Variants in PCDH15 observed in about 807,000 individuals in gnomAD.
PCDH15 encodes the protein protocadherin related 15.
In PCDH15, 129 loss-of-function variants were observed where a neutral mutation model predicts 178.5. The ratio of observed to expected loss-of-function variants is 0.72; its 90% CI spans 0.63 to 0.84. The LOEUF (loss-of-function observed/expected upper bound fraction) is 0.84. Among genes scored for constraint, PCDH15 ranks in the 40% least tolerant of loss-of-function variants. The pLI is 0.00. For missense variants in PCDH15, 2,230 were observed against 2,099.9 expected (o/e 1.06, Z -1.21); for synonymous variants, 800 against 732.0 (o/e 1.09, Z -1.50).
intron 1 of PCDH15, among the ~76,000 whole-genome samples, chr10:54,786,259 T>G (rs965792218): frequency 6.6e-6 from 1 of 151,980 alleles, no homozygotes. Context: ...AGTTAAAGTC[T>G]CGAATGTAGC....
chr10:54,077,446 G>A (rs1478091612), intron 17 of PCDH15, among the ~76,000 whole-genome samples: 2 of 152,040 alleles, frequency 1.3e-5, no homozygotes, highest in Non-Finnish European at 2.9e-5. Flanking sequence ...GAAACTTTAA[G>A]GACAGACTTA....
At chr10:53,849,494 G>T (rs762223058) in intron 28 of PCDH15, among the ~76,000 whole-genome samples, 2 of 152,028 alleles carry the variant, frequency 1.3e-5, no homozygotes, top group Non-Finnish European at 2.9e-5. Flanking sequence ...GAATCAATAT[G>T]CAATGGAATC....
rs1299626010 is a variant in PCDH15 at position 54,296,065 on chromosome 10, A to G, written c.876+21206T>C. Among the ~76,000 whole-genome samples the G allele has an allele frequency of 3.1e-3, 442 of 144,160 alleles. 6 individuals are homozygous for G. The highest frequency in any genetic ancestry group is 0.01 in the African/African-American group (389 of 38,600). 94.6% of individuals were successfully genotyped at this position (144,160 alleles called of 152,430 possible). A position where few individuals can be genotyped will look rare whatever the true frequency, so the allele number is the denominator to read the frequency against. On this transcript the variant is annotated intron_variant, in intron 8 of 37. Transcript: ENST00000644397. Reference sequence around the variant, plus strand: ...GAGGCTGAGGCAGGAGAATGGCGTGAACCCGGGAGGCGGAGCTTGCAGGGA... The same window carrying G: ...GAGGCTGAGGCAGGAGAATGGCGTGGACCCGGGAGGCGGAGCTTGCAGGGA...
chr10:54,860,534 T>C (rs1953820893), intron 3 of PCDH15, among the ~76,000 whole-genome samples: 1 of 152,228 alleles, frequency 6.6e-6, no homozygotes, highest in Non-Finnish European at 1.5e-5. Context: ...TACAACATTT[T>C]CTTTTTCCAA....
intron 1 of PCDH15, among the ~76,000 whole-genome samples, chr10:54,748,205 T>C (rs1945736204): frequency 6.6e-6 from 1 of 152,186 alleles, no homozygotes; most frequent in Non-Finnish European, 1.5e-5. Flanking sequence ...GAAAATAAAC[T>C]TCATGTTACT....
intron 1 of PCDH15, among the ~76,000 whole-genome samples, chr10:55,218,692 G>T (rs1840780310): frequency 6.6e-6 from 1 of 151,956 alleles, no homozygotes; most frequent in Admixed American, 6.6e-5. Context: ...ATCAATATTT[G>T]CTTTTCCTGA....
chr10:55,198,979 A>G (rs1009876660), intron 1 of PCDH15, among the ~76,000 whole-genome samples: 2 of 151,966 alleles, frequency 1.3e-5, no homozygotes, highest in South Asian at 4.1e-4. Context: ...AAATTACCCA[A>G]TCTCAGGTAG....
intron 3 of PCDH15, among the ~76,000 whole-genome samples, chr10:54,441,401 A>G (rs1228913430): frequency 6.6e-6 from 1 of 151,918 alleles, no homozygotes; most frequent in Non-Finnish European, 1.5e-5. Context: ...ATCTACAATG[A>G]GAATGTCCAT....
At chr10:54,413,544 A>G (rs1285798436) in intron 3 of PCDH15, among the ~76,000 whole-genome samples, 1 of 152,212 alleles carries the variant, frequency 6.6e-6, no homozygotes, top group Admixed American at 6.6e-5. Context: ...ATAAAAAGTA[A>G]GAGATCTATT....
intron 3 of PCDH15, among the ~76,000 whole-genome samples, chr10:54,497,079 C>T (rs1175160843): frequency 6.6e-6 from 1 of 151,938 alleles, no homozygotes; most frequent in African/African-American, 2.4e-5. Flanking sequence ...TTGGCCTTTC[C>T]AGCACATCAA....
At chr10:55,208,144 T>G (rs554907330) in intron 1 of PCDH15, among the ~76,000 whole-genome samples, 1 of 152,296 alleles carries the variant, frequency 6.6e-6, no homozygotes, top group East Asian at 1.9e-4. Flanking sequence ...AGTAGATACT[T>G]ATTTTGTAGA....
chr10:54,360,613 A>T (rs1393775363), intron 5 of PCDH15, among the ~76,000 whole-genome samples: 3 of 152,138 alleles, frequency 2.0e-5, no homozygotes, highest in Non-Finnish European at 2.9e-5. Context: ...AAGTTATTAA[A>T]GGTTATATAT....
chr10:55,070,038 G>C (rs1487487558), intron 2 of PCDH15, among the ~76,000 whole-genome samples: 2 of 151,688 alleles, frequency 1.3e-5, no homozygotes, highest in Non-Finnish European at 1.5e-5. Flanking sequence ...GTGATGATGA[G>C]TATTTTTTCA....
chr10:54,635,185 A>AAATAAATAAATG, intron 2 of PCDH15, among the ~76,000 whole-genome samples: 1 of 150,596 alleles, frequency 6.6e-6, no homozygotes. Context: ...ATAAATAAAT[A>AAATAAATAAATG]AATAAATAAT....
chr10:55,290,519 T>C (rs1234389805), intron 1 of PCDH15, among the ~76,000 whole-genome samples: 1 of 152,122 alleles, frequency 6.6e-6, no homozygotes, highest in Non-Finnish European at 1.5e-5. Flanking sequence ...GTAATTTTAA[T>C]TTGGACCCTA....
intron 2 of PCDH15, among the ~76,000 whole-genome samples, chr10:54,596,138 T>C (rs2134001721): frequency 6.6e-6 from 1 of 152,174 alleles, no homozygotes; most frequent in South Asian, 2.1e-4. Flanking sequence ...CACAAGAAGA[T>C]CATCCCCAAG....
intron 37 of PCDH15, among the ~76,000 whole-genome samples, chr10:53,810,148 A>C (rs1299413670): frequency 2.0e-5 from 3 of 152,162 alleles, no homozygotes; most frequent in African/African-American, 7.2e-5. Context: ...TGTGGAAATA[A>C]TTTACTTTTC....
chr10:55,567,156 G>A (rs1388390071), intron 2 of PCDH15, among the ~76,000 whole-genome samples: 4 of 151,768 alleles, frequency 2.6e-5, no homozygotes, highest in Admixed American at 6.6e-5. Flanking sequence ...TTTCAATTAC[G>A]GTGTCAAGAG....
At chr10:54,696,405 G>A (rs2095224580) in intron 1 of PCDH15, among the ~76,000 whole-genome samples, 1 of 152,082 alleles carries the variant, frequency 6.6e-6, no homozygotes, top group African/African-American at 2.4e-5. Context: ...GTGGTTTCTT[G>A]AGATAAAATC....
Sources: gnomAD v4.1 joint callset for allele counts (sites outside exome capture counted in the v4.1 genomes callset) on GRCh38, gnomAD v4.1.1 for gene constraint, MANE v1.5 for transcripts, NCBI Gene and HGNC (gene_info 2026-07-23, HGNC 2026-07-21) for gene names.